RNLS: variants seen among roughly 807,000 people sequenced by gnomAD.
RNLS encodes the protein renalase, FAD dependent amine oxidase.
In RNLS, 39 loss-of-function variants were observed where a neutral mutation model predicts 39.8. The ratio of observed to expected loss-of-function variants is 0.98; its 90% confidence interval spans 0.76 to 1.28. The LOEUF (loss-of-function observed/expected upper bound fraction) is 1.28. Ranked by LOEUF, RNLS falls within the 50% of genes most tolerant of loss-of-function variation. RNLS has a pLI of 0.00. For missense variants in RNLS, 410 were observed against 413.3 expected (o/e 0.99, Z 0.07); for synonymous variants, 147 against 150.7 (o/e 0.98, Z 0.18).
intron 4 of RNLS, among the ~76,000 whole-genome samples, chr10:88,390,747 G>C (rs1221315725): frequency 6.6e-6 from 1 of 152,144 alleles, no homozygotes; most frequent in Non-Finnish European, 1.5e-5. Context: ...GTGTCTCAAA[G>C]TATAAATTAT....
chr10:88,341,145 C>T (rs947961065), intron 5 of RNLS, among the ~76,000 whole-genome samples: 10 of 150,106 alleles, frequency 6.7e-5, no homozygotes, highest in African/African-American at 2.2e-4. Context: ...GCCTGACCAA[C>T]GTGGAGAAAC....
intron 4 of RNLS, among the ~76,000 whole-genome samples, chr10:88,447,596 T>C (rs1401539056): frequency 2.0e-5 from 3 of 152,190 alleles, no homozygotes; most frequent in Non-Finnish European, 4.4e-5. Flanking sequence ...AGGTAATTTA[T>C]AGACTCAATG....
At chr10:88,582,496 A>G (rs1403522720) in intron 1 of RNLS, among the ~76,000 whole-genome samples, 189 bp from the exon 2 acceptor site, 3 of 152,258 alleles carry the variant, frequency 2.0e-5, no homozygotes, top group Non-Finnish European at 4.4e-5. Context: ...GTCCAGCACC[A>G]TTATAGTGCA....
chr10:88,424,759 G>A (rs563327357), intron 4 of RNLS, among the ~76,000 whole-genome samples: 3 of 152,040 alleles, frequency 2.0e-5, no homozygotes, highest in South Asian at 2.1e-4. Context: ...AATTTTTAAC[G>A]CGTGAATGCA....
chr10:88,579,423 T>C (rs934048792), intron 3 of RNLS, among the ~76,000 whole-genome samples: 1 of 152,158 alleles, frequency 6.6e-6, no homozygotes, highest in South Asian at 2.1e-4. Flanking sequence ...GGGGTTCTTA[T>C]TTCTACGACC....
At chr10:88,498,165 A>T (rs1845277462) in intron 4 of RNLS, among the ~76,000 whole-genome samples, 1 of 152,080 alleles carries the variant, frequency 6.6e-6, no homozygotes, top group African/African-American at 2.4e-5. Flanking sequence ...AGACCAAGTG[A>T]TCATCACCAG....
the RNLS span, among the ~76,000 whole-genome samples, chr10:88,253,476 C>T: frequency 1.3e-5 from 2 of 152,134 alleles, no homozygotes; most frequent in Non-Finnish European, 2.9e-5. Flanking sequence ...ACAGAGGCTG[C>T]TGGGGTGGGT....
the RNLS span, among the ~76,000 whole-genome samples, chr10:88,183,430 T>C: frequency 6.6e-6 from 1 of 152,136 alleles, no homozygotes; most frequent in African/African-American, 2.4e-5. Context: ...ATAACTTTTC[T>C]ATAAAAATGT....
chr10:88,215,787 C>T, the RNLS span, among the ~76,000 whole-genome samples: 2 of 150,688 alleles, frequency 1.3e-5, no homozygotes, highest in African/African-American at 2.4e-5. Flanking sequence ...GCAATCTCCA[C>T]CTCCCTGGTT....
At chr10:88,425,683 T>C (rs548069634) in intron 4 of RNLS, among the ~76,000 whole-genome samples, 1 of 152,228 alleles carries the variant, frequency 6.6e-6, no homozygotes, top group East Asian at 1.9e-4. Flanking sequence ...AAATGATAGC[T>C]AAAAATACAA....
intron 4 of RNLS, among the ~76,000 whole-genome samples, chr10:88,462,382 G>C (rs1842973770): frequency 6.6e-6 from 1 of 151,880 alleles, no homozygotes; most frequent in African/African-American, 2.4e-5. Context: ...CTTTATATTA[G>C]ATAACATTTG....
At chr10:88,409,512 C>T (rs1362132252) in intron 4 of RNLS, among the ~76,000 whole-genome samples, 2 of 152,124 alleles carry the variant, frequency 1.3e-5, no homozygotes, top group African/African-American at 4.8e-5. Flanking sequence ...AGTGATTTTA[C>T]ATCTTATCTC....
intron 4 of RNLS, among the ~76,000 whole-genome samples, chr10:88,429,285 C>T (rs1855000165): frequency 6.6e-6 from 1 of 151,928 alleles, no homozygotes; most frequent in South Asian, 2.1e-4. Context: ...TACAAAGCTG[C>T]TGTGTAATCA....
chr10:88,363,294 C>T (rs1390924244), intron 4 of RNLS, among the ~76,000 whole-genome samples: 1 of 151,958 alleles, frequency 6.6e-6, no homozygotes, highest in East Asian at 1.9e-4. Flanking sequence ...CTAATGGATG[C>T]TGGGCTTAAT....
At chr10:88,478,014 G>A (rs1353646274) in intron 4 of RNLS, among the ~76,000 whole-genome samples, 2 of 152,202 alleles carry the variant, frequency 1.3e-5, no homozygotes, top group East Asian at 3.9e-4. Flanking sequence ...CATTTATCCT[G>A]GATAGATTTT....
At chr10:88,223,469 T>G in the RNLS span, among the ~76,000 whole-genome samples, 1 of 152,136 alleles carries the variant, frequency 6.6e-6, no homozygotes, top group Non-Finnish European at 1.5e-5. Context: ...ATGAAACGTA[T>G]AAAGGACAGT....
chr10:88,311,791 A>G (rs1845402033), intron 6 of RNLS, among the ~76,000 whole-genome samples: 2 of 152,160 alleles, frequency 1.3e-5, no homozygotes, highest in Admixed American at 1.3e-4. Flanking sequence ...ATGAAAAAAC[A>G]TTTTTTACCC....
At chr10:88,288,368 A>G (rs770890449) in intron 6 of RNLS, among the ~76,000 whole-genome samples, 7 of 152,154 alleles carry the variant, frequency 4.6e-5, no homozygotes, top group South Asian at 2.1e-4. Flanking sequence ...ACTTTCAGAA[A>G]TATTTCCATA....
intron 4 of RNLS, among the ~76,000 whole-genome samples, chr10:88,493,316 A>G (rs1171774353): frequency 6.6e-6 from 1 of 152,110 alleles, no homozygotes; most frequent in East Asian, 1.9e-4. Flanking sequence ...GTAAATGGAT[A>G]TTTAATAGAG....
Sources: gnomAD v4.1 joint callset for allele counts (sites outside exome capture counted in the v4.1 genomes callset) on GRCh38, gnomAD v4.1.1 for gene constraint, MANE v1.5 for transcripts, NCBI Gene and HGNC (gene_info 2026-07-23, HGNC 2026-07-21) for gene names.